GAPVD1: variants seen among roughly 807,000 people sequenced by gnomAD.
The protein encoded by GAPVD1 is GTPase-activating protein and VPS9 domain-containing protein 1.
GAPVD1 carries 35 observed loss-of-function variants against 155.5 expected under a neutral mutation model. That is an observed-to-expected ratio of 0.23 (90% CI 0.17 to 0.30). The LOEUF is 0.30. Among genes scored for constraint, GAPVD1 ranks in the 10% least tolerant of loss-of-function variants. The pLI is 1.00. For synonymous variants in GAPVD1, 636 were observed against 619.7 expected (o/e 1.03, Z -0.39); for missense variants, 1,429 against 1,775.7 (o/e 0.80, Z 3.51).
chr9:125,289,083 G>A (rs1479234829), intron 2 of GAPVD1, among the ~76,000 whole-genome samples: 4 of 152,086 alleles, frequency 2.6e-5, no homozygotes, highest in African/African-American at 9.7e-5. Context: ...GTAATAGAGT[G>A]ACTATATGTT....
At chr9:125,305,495 C>T (rs1009720409) in intron 6 of GAPVD1, among the ~76,000 whole-genome samples, 4 of 151,906 alleles carry the variant, frequency 2.6e-5, no homozygotes, top group East Asian at 3.9e-4. Context: ...CTCAGCCTCC[C>T]CAGTAACTGG....
chr9:125,343,269 T>A (rs1407707734), intron 19 of GAPVD1, among the ~76,000 whole-genome samples: 1 of 152,042 alleles, frequency 6.6e-6, no homozygotes, highest in Non-Finnish European at 1.5e-5. Flanking sequence ...ACAATTCTTC[T>A]TCTTCCAGTG....
At chr9:125,354,541 T>A (rs1849785843) in intron 23 of GAPVD1, 113 bp from the exon 24 acceptor site, 3 of 671,680 alleles carry the variant, frequency 4.5e-6, no homozygotes, top group Admixed American at 4.9e-5. Flanking sequence ...ACATGCTACT[T>A]TGTAAAACCA....
intron 13 of GAPVD1, 38 bp downstream of exon 13, chr9:125,330,256 A>T: frequency 6.9e-7 from 1 of 1,454,760 alleles, no homozygotes; most frequent in Non-Finnish European, 9.3e-7. Flanking sequence ...TCATTTATAC[A>T]GAAGTTTTAA....
chr9:125,269,552 C>G (rs1216864933), intron 2 of GAPVD1, among the ~76,000 whole-genome samples: 1 of 149,732 alleles, frequency 6.7e-6, no homozygotes, highest in Non-Finnish European at 1.5e-5. Context: ...TGCAGCCTCC[C>G]GAGTAGCTGG....
intron 2 of GAPVD1, among the ~76,000 whole-genome samples, chr9:125,270,364 GT>G (rs1834696464): frequency 6.6e-6 from 1 of 152,090 alleles, no homozygotes; most frequent in African/African-American, 2.4e-5. Context: ...GGGAGGCAGA[GT>G]TTGCAGTGAG....
chr9:125,315,952 G>A (rs1588895667), intron 9 of GAPVD1, among the ~76,000 whole-genome samples: 1 of 152,266 alleles, frequency 6.6e-6, no homozygotes, highest in South Asian at 2.1e-4. Context: ...AAGTGTTGAA[G>A]TTCCCCAAAA....
At chr9:125,287,033 G>A (rs1479671471) in intron 2 of GAPVD1, among the ~76,000 whole-genome samples, 1 of 152,102 alleles carries the variant, frequency 6.6e-6, no homozygotes, top group African/African-American at 2.4e-5. Context: ...GCAGTGAGCT[G>A]AGATTGTGCC....
intron 9 of GAPVD1, among the ~76,000 whole-genome samples, chr9:125,313,557 C>G (rs1842965320): frequency 6.6e-6 from 1 of 152,164 alleles, no homozygotes; most frequent in African/African-American, 2.4e-5. Context: ...CCTGCCTCGG[C>G]CTTCCAAAGT....
At chr9:125,348,462 T>A (rs1250368741) in intron 20 of GAPVD1, among the ~76,000 whole-genome samples, 2 of 152,040 alleles carry the variant, frequency 1.3e-5, no homozygotes, top group African/African-American at 2.4e-5. Flanking sequence ...TGTCCAAACT[T>A]TTTATTCGTT....
Position 125,364,871 on chromosome 9 carries a change from A to C in GAPVD1, c.*2125A>C, listed in dbSNP as rs1226316033. On this transcript the variant is annotated 3_prime_UTR_variant, in exon 28 of 28. Coordinates refer to ENST00000297933, the MANE Select transcript of GAPVD1 (RefSeq NM_001282680.3). ...TTTGATTCAGTAAATGTTAAGCAGC[A>C]GAAGACTTCGAATGGTTGAAATTCA... is the stretch of plus-strand genomic sequence containing the variant. 2.0e-5 allele frequency: 3 copies of C among 152,690 alleles called. No homozygotes were observed. The highest frequency in any genetic ancestry group is 4.4e-5 in the Non-Finnish European group (3 of 68,044). The allele number at this position is 152,690 out of a possible 1,614,324, so 9.5% of individuals were successfully genotyped here. A position where few individuals can be genotyped will look rare whatever the true frequency, so the allele number is the denominator to read the frequency against.
chr9:125,325,336 C>T (rs545948600), intron 11 of GAPVD1, among the ~76,000 whole-genome samples: 7 of 151,798 alleles, frequency 4.6e-5, no homozygotes, highest in African/African-American at 1.2e-4. Context: ...TCCTGGCTGA[C>T]ACGGTGAAAC....
At chr9:125,349,191 A>G (rs1848953534) in intron 20 of GAPVD1, among the ~76,000 whole-genome samples, 199 bp from the exon 21 acceptor site, 2 of 152,226 alleles carry the variant, frequency 1.3e-5, no homozygotes, top group Admixed American at 6.5e-5. Context: ...CTTCTCAGCA[A>G]CTAGTCTCTT....
chr9:125,276,417 A>G (rs1023938108), intron 2 of GAPVD1, among the ~76,000 whole-genome samples: 2 of 152,148 alleles, frequency 1.3e-5, no homozygotes, highest in African/African-American at 4.8e-5. Context: ...CCAGTCTTTA[A>G]TAAAAATGTT....
intron 2 of GAPVD1, among the ~76,000 whole-genome samples, chr9:125,283,001 T>C (rs376221867): frequency 2.0e-5 from 3 of 151,962 alleles, no homozygotes; most frequent in African/African-American, 7.2e-5. Context: ...ACCTGAATTC[T>C]AGCTGTTACT....
At chr9:125,324,210 A>G (rs1450576899) in intron 11 of GAPVD1, among the ~76,000 whole-genome samples, 1 of 152,336 alleles carries the variant, frequency 6.6e-6, no homozygotes, top group Admixed American at 6.5e-5. Context: ...CAAGGAACTT[A>G]GAATAGGGAA....
At chr9:125,353,584 G>T (rs1343786287) in intron 23 of GAPVD1, among the ~76,000 whole-genome samples, 3 of 152,154 alleles carry the variant, frequency 2.0e-5, no homozygotes, top group Non-Finnish European at 4.4e-5. Context: ...CTGAGACTGG[G>T]CAATTTAACA....
Position 125,302,262 on chromosome 9 carries a change from C to T in GAPVD1, c.465C>T (p.Tyr155=), listed in dbSNP as rs1841022861. The part of the protein sequence containing the change: ...DESYLLQVLR[Y]LIEFELKESD... Reference sequence around the variant, plus strand: ...GCTACCTCCTTCAGGTTTTGCGATACTTGATTGAATTTGAACTTAAAGAAA... The same window carrying T: ...GCTACCTCCTTCAGGTTTTGCGATATTTGATTGAATTTGAACTTAAAGAAA... The change falls in exon 5 of 28, where the codon TAC becomes TAT. Residue 155 remains tyrosine, a synonymous_variant. Coordinates refer to ENST00000297933, the MANE Select transcript of GAPVD1 (RefSeq NM_001282680.3). 1.9e-6 allele frequency: 3 copies of T among 1,613,988 alleles called. No homozygotes were observed. Among genetic ancestry groups the T allele is most frequent in the Non-Finnish European group, 2.5e-6 (3 of 1,180,010 alleles).
rs953198730 is a variant in GAPVD1, at chr9:125,302,924, A to T, written c.1029+98A>T. On this transcript the variant is annotated intron_variant, in intron 5 of 27. Coordinates refer to ENST00000297933, the MANE Select transcript of GAPVD1 (RefSeq NM_001282680.3). Reference sequence around the variant, plus strand: ...CAAATAATACGATGACAGTATTTGTATATTCTTACAACTTTTTCTCAACCA... The same window carrying T: ...CAAATAATACGATGACAGTATTTGTTTATTCTTACAACTTTTTCTCAACCA... The T allele has an allele frequency of 3.6e-6, 5 of 1,405,014 alleles. No homozygotes were observed. In the African/African-American group the frequency reaches 5.7e-5, roughly 16 times the overall value. The allele number at this position is 1,405,014 out of a possible 1,614,324, so 87.0% of individuals were successfully genotyped here. A position where few individuals can be genotyped will look rare whatever the true frequency, so the allele number is the denominator to read the frequency against.
Sources: gnomAD v4.1 joint callset for allele counts (sites outside exome capture counted in the v4.1 genomes callset) on GRCh38, gnomAD v4.1.1 for gene constraint, MANE v1.5 for transcripts, NCBI Gene and HGNC (gene_info 2026-07-23, HGNC 2026-07-21) for gene names.